The following SETBP1 variants were observed in gnomAD, a reference collection of about 807,000 sequenced individuals.
The protein encoded by SETBP1 is SET-binding protein.
In SETBP1, 9 loss-of-function variants were observed where a neutral mutation model predicts 101.0. That is an observed-to-expected ratio of 0.09 (90% CI 0.05 to 0.16). SETBP1 has a LOEUF of 0.16. SETBP1 is among the 10% of genes least tolerant of loss of function. The pLI is 1.00. For missense variants in SETBP1, 1,858 were observed against 2,033.8 expected (o/e 0.91, Z 1.66); for synonymous variants, 818 against 788.5 (o/e 1.04, Z -0.63).
At chr18:44,957,537 C>T (rs193169111) in intron 4 of SETBP1, among the ~76,000 whole-genome samples, 1 of 152,090 alleles carries the variant, frequency 6.6e-6, no homozygotes, top group African/African-American at 2.4e-5. Flanking sequence ...TTTCAGATAT[C>T]CAAATTCTGC....
At chr18:44,711,715 T>TTG (rs1403380207) in intron 2 of SETBP1, among the ~76,000 whole-genome samples, 1 of 149,588 alleles carries the variant, frequency 6.7e-6, no homozygotes, top group African/African-American at 2.5e-5. Context: ...TTTTTTTTTT[T>TTG]TTTTTTTTGG....
chr18:44,771,879 C>T (rs536404699), intron 2 of SETBP1, among the ~76,000 whole-genome samples: 2 of 152,228 alleles, frequency 1.3e-5, no homozygotes, highest in African/African-American at 2.4e-5. Context: ...TCCATGATTT[C>T]CCCCCCAAGG....
At chr18:44,984,798 T>G (rs561447900) in intron 4 of SETBP1, among the ~76,000 whole-genome samples, 1 of 152,310 alleles carries the variant, frequency 6.6e-6, no homozygotes, top group East Asian at 1.9e-4. Context: ...AAAGTTTACA[T>G]GCTTAATTTG....
At chr18:44,855,322 A>G (rs1262472694) in intron 2 of SETBP1, among the ~76,000 whole-genome samples, 4 of 149,918 alleles carry the variant, frequency 2.7e-5, no homozygotes, top group Admixed American at 6.6e-5. Flanking sequence ...TTTTGTTTTC[A>G]TTTTGCTATT....
chr18:44,869,504 T>C, intron 3 of SETBP1: 1 of 577,966 alleles, frequency 1.7e-6, no homozygotes, highest in Non-Finnish European at 3.1e-6. Flanking sequence ...GTTCCTAATA[T>C]TCTATAGGAG....
At chr18:45,010,966 G>A (rs138819874) in intron 4 of SETBP1, among the ~76,000 whole-genome samples, 1,561 of 152,204 alleles carry the variant, frequency 0.01, 17 homozygotes, top group Non-Finnish European at 0.018. Context: ...GATATTGATA[G>A]GATTACATAT....
intron 5 of SETBP1, among the ~76,000 whole-genome samples, chr18:45,046,564 G>A (rs948001628): frequency 2.0e-5 from 3 of 152,232 alleles, no homozygotes; most frequent in Non-Finnish European, 4.4e-5. Context: ...AGAGAAGAAG[G>A]AATATGCACG....
intron 2 of SETBP1, among the ~76,000 whole-genome samples, chr18:44,830,427 G>C (rs1055176512): frequency 8.5e-5 from 13 of 152,192 alleles, no homozygotes; most frequent in African/African-American, 2.9e-4. Context: ...GCTCTTTCCA[G>C]AATGTAATTT....
intron 2 of SETBP1, among the ~76,000 whole-genome samples, chr18:44,806,700 G>A (rs1310854300): frequency 3.8e-5 from 4 of 103,902 alleles, no homozygotes; most frequent in African/African-American, 1.5e-4. Context: ...ATAGGGTCTT[G>A]TTACATTGCC....
At position 44,993,211 on chromosome 18, in the gene SETBP1, T is replaced by C. The variant is rs572414002; in HGVS notation, c.4000+39871T>C. ...CTGCAGTAGGCACCAAACCTAACAATGAGACATTAAAAGCCTTCTCTTTAC... is the reference window on the plus strand; with the variant it reads ...CTGCAGTAGGCACCAAACCTAACAACGAGACATTAAAAGCCTTCTCTTTAC... On this transcript the variant is annotated intron_variant, in intron 4 of 5. Transcript: ENST00000649279. Among the ~76,000 whole-genome samples the C allele has an allele frequency of 3.9e-5, 6 of 152,134 alleles. No individual in the cohort carries two copies. The South Asian group carries it at 1.2e-3, about 32-fold the overall frequency.
intron 2 of SETBP1, among the ~76,000 whole-genome samples, chr18:44,783,994 G>T (rs1446972202): frequency 6.6e-6 from 1 of 152,200 alleles, no homozygotes; most frequent in Non-Finnish European, 1.5e-5. Flanking sequence ...AATGTAGAAG[G>T]CCACCCTTGC....
At chr18:45,009,357 G>A (rs534865650) in intron 4 of SETBP1, among the ~76,000 whole-genome samples, 9 of 150,822 alleles carry the variant, frequency 6.0e-5, no homozygotes, top group African/African-American at 1.5e-4. Flanking sequence ...AGCATGGAGC[G>A]GAGCTGCGTT....
intron 4 of SETBP1, among the ~76,000 whole-genome samples, chr18:44,984,404 G>T (rs8084901): frequency 0.29 from 44,766 of 151,862 alleles, 7,460 homozygotes; most frequent in East Asian, 0.55. Flanking sequence ...CCCTCACATG[G>T]GCAGTTCACA....
intron 2 of SETBP1, among the ~76,000 whole-genome samples, chr18:44,762,138 C>CTTTTTTTTTT (rs55990761): frequency 6.7e-6 from 1 of 149,214 alleles, no homozygotes; most frequent in Non-Finnish European, 1.5e-5. Context: ...CTTCTAAACA[C>CTTTTTTTTTT]TTTTTTTTTT....
chr18:44,961,058 C>A (rs1244577137), intron 4 of SETBP1, among the ~76,000 whole-genome samples: 1 of 152,142 alleles, frequency 6.6e-6, no homozygotes, highest in East Asian at 1.9e-4. Context: ...TGATGAGGGG[C>A]TTAGGCAGCA....
At chr18:44,934,505 TAGTAAG>T (rs541353022) in intron 3 of SETBP1, among the ~76,000 whole-genome samples, 32 of 152,280 alleles carry the variant, frequency 2.1e-4, no homozygotes, top group African/African-American at 7.5e-4. Flanking sequence ...TTCTCATAGG[TAGTAAG>T]AGGCAAAGCT....
At chr18:44,742,984 G>T in intron 2 of SETBP1, among the ~76,000 whole-genome samples, 4 of 125,546 alleles carry the variant, frequency 3.2e-5, no homozygotes, top group Admixed American at 8.9e-5. Flanking sequence ...CCCCTGTCCC[G>T]TTACCCCTTT....
intron 1 of SETBP1, among the ~76,000 whole-genome samples, chr18:44,696,806 T>C (rs1241157430): frequency 2.0e-5 from 3 of 152,224 alleles, no homozygotes; most frequent in African/African-American, 7.2e-5. Flanking sequence ...TTGTCTAGCA[T>C]CTGACTGCCT....
intron 2 of SETBP1, among the ~76,000 whole-genome samples, chr18:44,808,495 T>G (rs2144815127): frequency 6.6e-6 from 1 of 152,122 alleles, no homozygotes; most frequent in African/African-American, 2.4e-5. Flanking sequence ...AGACCTGAGG[T>G]GGGCTGAGAA....
Sources: allele counts gnomAD v4.1 joint callset (sites outside exome capture counted in the v4.1 genomes callset), GRCh38; gene constraint gnomAD v4.1.1; transcripts MANE v1.5; gene names NCBI Gene and HGNC (gene_info 2026-07-23, HGNC 2026-07-21).